ROS1: variants seen among roughly 807,000 people sequenced by gnomAD.
ROS1 encodes the protein ROS proto-oncogene 1, receptor tyrosine kinase.
Under a neutral mutation model 273.5 loss-of-function variants are expected in ROS1, and 263 were observed. The ratio of observed to expected loss-of-function variants is 0.96; its 90% CI spans 0.87 to 1.06. The LOEUF (loss-of-function observed/expected upper bound fraction) is 1.06, where lower values mean the gene tolerates loss of function less well. ROS1 is among the 50% of genes least tolerant of loss of function. The pLI is 0.00. For missense variants in ROS1, 2,833 were observed against 2,751.1 expected (o/e 1.03, Z -0.67); for synonymous variants, 1,008 against 954.1 (o/e 1.06, Z -1.04).
At chr6:117,317,002 A>G (rs887777940) in intron 39 of ROS1, 141 bp downstream of exon 39, 4 of 890,614 alleles carry the variant, frequency 4.5e-6, no homozygotes, top group African/African-American at 1.7e-5. Flanking sequence ...TCAAAAGCTA[A>G]TGTGAAGGAA....
chr6:117,421,425 C>A (rs1775748221), intron 1 of ROS1, among the ~76,000 whole-genome samples: 1 of 152,012 alleles, frequency 6.6e-6, no homozygotes. Context: ...CCTCCCCCTT[C>A]TGAGTCTCCA....
Position 117,306,534 on chromosome 6 carries a change from T to C in ROS1, c.6551+2260A>G, listed in dbSNP as rs73564792. On this transcript the variant is annotated intron_variant, in intron 42 of 43. Transcript: ENST00000368507. ...GCTTTCTATCGTACATCTCAGGCTA[T>C]GGAGAGAAGGGCAGGAATGCTCTGA... is the stretch of plus-strand genomic sequence containing the variant. 1.4e-3 allele frequency among the ~76,000 whole-genome samples: 216 copies of C among 152,252 alleles called. 1 individual carries two copies. The highest frequency in any genetic ancestry group is 4.7e-3 in the African/African-American group (195 of 41,564).
At chr6:117,398,476 C>T (rs1408093217) in intron 7 of ROS1, among the ~76,000 whole-genome samples, 4 of 152,060 alleles carry the variant, frequency 2.6e-5, no homozygotes, top group Non-Finnish European at 5.9e-5. Context: ...GCCAGGAGTT[C>T]GAGATCAGCC....
chr6:117,346,016 C>T (rs1390021575), intron 27 of ROS1, among the ~76,000 whole-genome samples: 1 of 152,088 alleles, frequency 6.6e-6, no homozygotes, highest in Non-Finnish European at 1.5e-5. Flanking sequence ...AGATGGATAA[C>T]CTTACTAAAG....
chr6:117,415,165 G>T (rs1775246054), intron 3 of ROS1, among the ~76,000 whole-genome samples: 1 of 152,192 alleles, frequency 6.6e-6, no homozygotes, highest in Non-Finnish European at 1.5e-5. Flanking sequence ...TGTTTGAGTT[G>T]CAATTTCTGA....
At chr6:117,420,877 GGTTA>G (rs1384700960) in intron 1 of ROS1, among the ~76,000 whole-genome samples, 2 of 151,214 alleles carry the variant, frequency 1.3e-5, no homozygotes, top group African/African-American at 4.8e-5. Flanking sequence ...ACATATCTTT[GGTTA>G]GTTAAACAAT....
At chr6:117,295,021 A>G (rs1214264263) in intron 43 of ROS1, among the ~76,000 whole-genome samples, 1 of 152,238 alleles carries the variant, frequency 6.6e-6, no homozygotes, top group East Asian at 1.9e-4. Context: ...AGCAAAAGGA[A>G]CAAAACTCAA....
intron 27 of ROS1, among the ~76,000 whole-genome samples, chr6:117,344,560 G>A (rs922478047): frequency 6.6e-6 from 1 of 152,070 alleles, no homozygotes; most frequent in Non-Finnish European, 1.5e-5. Context: ...CAGTATGCTG[G>A]GAGGAAAAAC....
intron 31 of ROS1, among the ~76,000 whole-genome samples, chr6:117,337,976 T>C (rs1207091965): frequency 2.0e-5 from 3 of 152,224 alleles, no homozygotes; most frequent in East Asian, 1.9e-4. Flanking sequence ...AAAATCTTGT[T>C]TTCATTCCAC....
chr6:117,331,320 C>T (rs562063907), intron 32 of ROS1, among the ~76,000 whole-genome samples: 10 of 152,216 alleles, frequency 6.6e-5, no homozygotes, highest in African/African-American at 2.2e-4. Context: ...TGAATAAAGC[C>T]TCCAAGAAAT....
At chr6:117,394,058 G>C in intron 11 of ROS1, 104 bp downstream of exon 11, 1 of 655,842 alleles carries the variant, frequency 1.5e-6, no homozygotes, top group Non-Finnish European at 2.4e-6. Context: ...GTAAATACTT[G>C]AGTATGTATT....
chr6:117,349,637 T>A (rs1778650310), intron 27 of ROS1, among the ~76,000 whole-genome samples: 1 of 152,092 alleles, frequency 6.6e-6, no homozygotes, highest in Non-Finnish European at 1.5e-5. Flanking sequence ...CCCTTGTTCT[T>A]TGTTCCTACT....
chr6:117,333,718 A>G (rs1409752700), intron 32 of ROS1, among the ~76,000 whole-genome samples: 1 of 152,220 alleles, frequency 6.6e-6, no homozygotes, highest in Non-Finnish European at 1.5e-5. Flanking sequence ...CATCACATAA[A>G]CAGAACCAAA....
Position 117,362,883 on chromosome 6 carries a change from A to G in ROS1, c.3104-18T>C, listed in dbSNP as rs2128655589. ...TGATGGAACTGAAAAGTAGAGGCAC[A>G]GGTAGAGCAGAAAAGAATATAAGAA... On this transcript the variant is annotated intron_variant, in intron 21 of 43. Coordinates refer to ENST00000368507, the MANE Select transcript of ROS1 (RefSeq NM_001378902.1). 2 of 1,582,156 alleles carry G rather than the reference A, an allele frequency of 1.3e-6. No individual in the cohort carries two copies. Among genetic ancestry groups the G allele is most frequent in the Non-Finnish European group, 1.7e-6 (2 of 1,165,948 alleles).
intron 5 of ROS1, among the ~76,000 whole-genome samples, chr6:117,406,235 T>C (rs74556434): frequency 0.042 from 6,352 of 152,236 alleles, 186 homozygotes; most frequent in Non-Finnish European, 0.062. Flanking sequence ...TATTTATTTA[T>C]TTATTATGTT....
At chr6:117,399,473 T>A (rs1384748868) in intron 7 of ROS1, among the ~76,000 whole-genome samples, 1 of 152,126 alleles carries the variant, frequency 6.6e-6, no homozygotes, top group African/African-American at 2.4e-5. Context: ...AGAGCAACCA[T>A]CAGGGAAGGG....
At chr6:117,371,826 C>G (rs914576995) in intron 18 of ROS1, among the ~76,000 whole-genome samples, 1 of 152,108 alleles carries the variant, frequency 6.6e-6, no homozygotes, top group Non-Finnish European at 1.5e-5. Context: ...CTGTATAATG[C>G]AGTAAAGTCA....
intron 1 of ROS1, among the ~76,000 whole-genome samples, chr6:117,424,107 G>A (rs942684089): frequency 6.6e-6 from 1 of 152,116 alleles, no homozygotes; most frequent in Admixed American, 6.6e-5. Context: ...AAATAAAATG[G>A]AGACTGCAAT....
rs1371310577 is a variant in ROS1, at chr6:117,287,532, C to T, written c.*960G>A. On this transcript the variant is annotated 3_prime_UTR_variant, in exon 44 of 44. Transcript: ENST00000368507. ...CTGAAGATTACAGAATGCAAAACTTCAGGACTTAAAAGATCTTCACAGTCT... is the reference window on the plus strand; with the variant it reads ...CTGAAGATTACAGAATGCAAAACTTTAGGACTTAAAAGATCTTCACAGTCT... 6.6e-6 allele frequency among the ~76,000 whole-genome samples: 1 copy of T among 152,132 alleles called. No homozygotes were observed. The highest frequency in any genetic ancestry group is 2.4e-5 in the African/African-American group (1 of 41,408).
Sources: gnomAD v4.1 joint callset for allele counts (sites outside exome capture counted in the v4.1 genomes callset) on GRCh38, gnomAD v4.1.1 for gene constraint, MANE v1.5 for transcripts, NCBI Gene and HGNC (gene_info 2026-07-23, HGNC 2026-07-21) for gene names.